GORASP2: variants seen among roughly 807,000 people sequenced by gnomAD.
The protein encoded by GORASP2 is Golgi reassembly-stacking protein 2.
In GORASP2, 22 loss-of-function variants were observed where a neutral mutation model predicts 45.7. That is an observed-to-expected ratio of 0.48 (90% confidence interval 0.34 to 0.69). The LOEUF (loss-of-function observed/expected upper bound fraction) is 0.69. Ranked by LOEUF, GORASP2 falls within the 30% of genes least tolerant of loss-of-function variation. The pLI, the probability that GORASP2 is intolerant of heterozygous loss-of-function variation, is 0.01. For missense variants in GORASP2, 491 were observed against 562.7 expected (o/e 0.87, Z 1.29); for synonymous variants, 221 against 215.6 (o/e 1.02, Z -0.22).
chr2:170,955,398 A>G (rs890098823), intron 6 of GORASP2, among the ~76,000 whole-genome samples: 4 of 152,180 alleles, frequency 2.6e-5, no homozygotes, highest in Non-Finnish European at 1.5e-5. Flanking sequence ...TGAAGGGGCT[A>G]TTACAGGATC....
In GORASP2 at chr2:170,951,310, C is replaced by T. The variant is rs775006866; in HGVS notation, c.436-18C>T. On this transcript the variant is annotated intron_variant, in intron 4 of 9. Coordinates refer to ENST00000234160, the MANE Select transcript of GORASP2 (RefSeq NM_015530.5). ...AGTATGGTAACGTGAAACATTTTCT[C>T]CTGTGACACTTTTGCAGTCTGAAGA... 3.3e-5 allele frequency: 52 copies of T among 1,583,048 alleles called. No individual in the cohort carries two copies. Among genetic ancestry groups the T allele is most frequent in the Non-Finnish European group, 4.3e-5 (50 of 1,167,272 alleles).
At chr2:170,929,578 C>T (rs3821090) in intron 1 of GORASP2, 175 bp downstream of exon 1, 136,260 of 580,378 alleles carry the variant, frequency 0.23, 17,644 homozygotes, top group Non-Finnish European at 0.28. Context: ...CGCATCCCAC[C>T]TCCGCGGAGC....
chr2:170,955,084 G>A lies in GORASP2; in HGVS notation c.699+302G>A, dbSNP rs185615980. On this transcript the variant is annotated intron_variant, in intron 6 of 9. Transcript: ENST00000234160. ...GCTAGGGATTGGGTCTGGGTGGGTC[G>A]CCATCTTGAAAATCTGGATGGGCAG... 3.9e-3 allele frequency among the ~76,000 whole-genome samples: 595 copies of A among 151,940 alleles called. 4 individuals are homozygous for A. The highest frequency in any genetic ancestry group is 0.014 in the Middle Eastern group (4 of 294).
At chr2:170,929,554 T>G in intron 1 of GORASP2, 151 bp downstream of exon 1, 1 of 647,566 alleles carries the variant, frequency 1.5e-6, no homozygotes, top group Non-Finnish European at 2.5e-6. Context: ...TCGAGGCTGG[T>G]TCCGGAGGCC....
chr2:170,932,904 CAGAT>C (rs1461314705), intron 1 of GORASP2, among the ~76,000 whole-genome samples: 3 of 152,144 alleles, frequency 2.0e-5, no homozygotes, highest in African/African-American at 4.8e-5. Context: ...GGCCTAAACA[CAGAT>C]AGAATGCTAC....
chr2:170,939,805 G>C (rs1186092547), intron 1 of GORASP2, among the ~76,000 whole-genome samples: 2 of 152,110 alleles, frequency 1.3e-5, no homozygotes, highest in Admixed American at 6.6e-5. Context: ...TAACCACGGA[G>C]GATTTAGGAT....
At chr2:170,929,239 G>C (rs909399160), upstream of GORASP2, 21 of 897,658 alleles carry the variant, frequency 2.3e-5, no homozygotes, top group South Asian at 7.0e-5. Flanking sequence ...CGGCGGCAGC[G>C]AGTGCCACGT....
intron 6 of GORASP2, among the ~76,000 whole-genome samples, 157 bp downstream of exon 6, chr2:170,954,939 A>G (rs1243319632): frequency 3.9e-5 from 6 of 152,220 alleles, no homozygotes; most frequent in Non-Finnish European, 5.9e-5. Flanking sequence ...AAATACCTAG[A>G]TAGAGGTTAG....
Position 170,929,390 on chromosome 2 carries a change from A to G in GORASP2, c.50A>G (p.Tyr17Cys). 2 of 1,419,788 alleles carry G rather than the reference A, an allele frequency of 1.4e-6. No individual in the cohort carries two copies. Among genetic ancestry groups the G allele is most frequent in the Non-Finnish European group, 1.8e-6 (2 of 1,085,266 alleles). The allele number at this position is 1,419,788 out of a possible 1,614,324, so 87.9% of individuals were successfully genotyped here. The change falls in exon 1 of 10, where the codon TAC becomes TGC. Residue 17 changes from tyrosine (Y) to cysteine (C), a missense_variant. Around this residue, in one of 2 missense-constraint regions of GORASP2, gnomAD observed 194 missense variants for 270.4 expected, o/e 0.72. Transcript: ENST00000234160. ...VEIPGGGTEG[Y>C]HVLRVQENSP... ...ATCCCGGGCGGGGGCACCGAGGGCT[A>G]CCACGTTCTGCGGGTAAGGGCTCCG...
intron 1 of GORASP2, among the ~76,000 whole-genome samples, chr2:170,936,224 CTTTTTTTTT>C (rs3079542): frequency 8.4e-6 from 1 of 119,034 alleles, no homozygotes; most frequent in African/African-American, 3.2e-5. Flanking sequence ...TTGAAACTGA[CTTTTTTTTT>C]TTTTTTTTTT....
chr2:170,948,024 T>C (rs1704217090), intron 1 of GORASP2, among the ~76,000 whole-genome samples: 1 of 152,156 alleles, frequency 6.6e-6, no homozygotes, highest in South Asian at 2.1e-4. Flanking sequence ...CTCGGGAGGC[T>C]GAGGCACAAG....
rs139230870 is a variant in GORASP2, at chr2:170,959,672, A to G, written c.824-1991A>G. ...TATATAATGTAACTGTAGAGACATA[A>G]AAGTAACTATAGAGAAATAAAAGTA... On this transcript the variant is annotated intron_variant, in intron 7 of 9. Coordinates refer to ENST00000234160, the MANE Select transcript of GORASP2 (RefSeq NM_015530.5). Among the ~76,000 whole-genome samples the G allele has an allele frequency of 1.3e-5, 2 of 152,340 alleles. 1 individual carries two copies. Among genetic ancestry groups the G allele is most frequent in the East Asian group, 3.9e-4 (2 of 5,186 alleles).
chr2:170,951,475 GA>G lies in GORASP2; in HGVS notation c.566+18del, dbSNP rs1256174907. The G allele has an allele frequency of 1.3e-6, 2 of 1,592,496 alleles. No homozygotes were observed. The highest frequency in any genetic ancestry group is 1.7e-6 in the Non-Finnish European group (2 of 1,168,712). The stretch of plus-strand genomic sequence containing the variant: ...AGAAGGCAGGTAAGGTCATTTTTTA[GA>G]CTAAGTTATGACTGCTTAAACATAC... On this transcript the variant is annotated intron_variant, in intron 5 of 9. Coordinates refer to ENST00000234160, the MANE Select transcript of GORASP2 (RefSeq NM_015530.5).
intron 4 of GORASP2, among the ~76,000 whole-genome samples, chr2:170,950,975 C>A (rs1401627903): frequency 1.3e-5 from 2 of 151,744 alleles, no homozygotes; most frequent in Non-Finnish European, 2.9e-5. Flanking sequence ...GTTAGAGAGA[C>A]CCTGTCTCAA....
intron 1 of GORASP2, chr2:170,936,821 T>A: frequency 2.6e-6 from 1 of 380,550 alleles, no homozygotes; most frequent in Non-Finnish European, 5.4e-6. Context: ...CCAAGGACTT[T>A]GAGGCTGCAG....
intron 7 of GORASP2, among the ~76,000 whole-genome samples, chr2:170,956,775 G>C (rs1704436256): frequency 6.6e-6 from 1 of 152,048 alleles, no homozygotes; most frequent in African/African-American, 2.4e-5. Flanking sequence ...TTAGCCAGGT[G>C]TGGTGGTGTG....
chr2:170,939,174 T>C (rs559313086), intron 1 of GORASP2, among the ~76,000 whole-genome samples: 1 of 152,392 alleles, frequency 6.6e-6, no homozygotes, highest in South Asian at 2.1e-4. Context: ...GTTTTTCTAA[T>C]GTACAGATCT....
intron 1 of GORASP2, among the ~76,000 whole-genome samples, chr2:170,947,941 C>G (rs1014301465): frequency 6.6e-6 from 1 of 151,868 alleles, no homozygotes; most frequent in Admixed American, 6.6e-5. Flanking sequence ...GGCAATAAGG[C>G]GAAACCCTGT....
rs759615233 is a variant in GORASP2, at chr2:170,956,533, C to T, written c.797C>T (p.Pro266Leu). The change falls in exon 7 of 10, where the codon CCA becomes CTA. Residue 266 changes from proline (P) to leucine (L), a missense_variant. Physicochemically the swap from Pro to Leu is moderately conservative, Grantham distance 98. Coordinates refer to ENST00000234160, the MANE Select transcript of GORASP2 (RefSeq NM_015530.5). The stretch of plus-strand genomic sequence containing the variant: ...GGACTTTCTATTAGCTCAACTCCAC[C>T]AGCTGTCAGTAGTGTTCTCAGTACA... ...LTGLSISSTP[P>L]AVSSVLSTGV... 2 of 1,613,018 alleles carry T rather than the reference C, an allele frequency of 1.2e-6. No individual in the cohort carries two copies. Among genetic ancestry groups the T allele is most frequent in the Middle Eastern group, 1.6e-4 (1 of 6,062 alleles).
Sources: gnomAD v4.1 joint callset for allele counts (sites outside exome capture counted in the v4.1 genomes callset) on GRCh38, gnomAD v4.1.1 for gene constraint, gnomAD v4.1.1 regional missense constraint, MANE v1.5 for transcripts, NCBI Gene and HGNC (gene_info 2026-07-23, HGNC 2026-07-21) for gene names.